MYO5A: variants seen among roughly 807,000 people sequenced by gnomAD.
The protein encoded by MYO5A is myosin VA, also known as unconventional myosin-Va.
In MYO5A, 98 loss-of-function variants were observed where a neutral mutation model predicts 249.7. The observed-to-expected ratio is 0.39, with a 90% CI of 0.33 to 0.46. The LOEUF (loss-of-function observed/expected upper bound fraction) is 0.46. MYO5A is among the 20% of genes least tolerant of loss of function. The pLI, the probability that MYO5A is intolerant of heterozygous loss-of-function variation, is 0.98. For synonymous variants in MYO5A, 778 were observed against 810.6 expected, an observed-to-expected ratio of 0.96 and a Z score of 0.68; for missense variants, 1,696 against 2,308.8, an observed-to-expected ratio of 0.73 and a Z score of 5.44.
chr15:52,380,002 A>G (rs1470841629), intron 16 of MYO5A, 94 bp from the exon 17 acceptor site: 10 of 1,202,940 alleles, frequency 8.3e-6, no homozygotes, highest in African/African-American at 1.5e-5. Flanking sequence ...CTTTCGTAAG[A>G]GCAAAATGGA....
rs191206339 is a variant in MYO5A at position 52,475,256 on chromosome 15, C to T, written c.28-41971G>A. On this transcript the variant is annotated intron_variant, in intron 1 of 41. Coordinates refer to ENST00000399233, the MANE Select transcript of MYO5A (RefSeq NM_001382347.1). The stretch of plus-strand genomic sequence containing the variant: ...ATATCCCCTTTATCATTTTTTATTG[C>T]ATCTATTTGATTCTTCTCTCTTTTC... 1.2e-4 allele frequency among the ~76,000 whole-genome samples: 19 copies of T among 152,166 alleles called. No individual in the cohort carries two copies. The East Asian group carries it at 3.5e-3, about 28-fold the overall frequency.
At chr15:52,326,379 TA>T (rs945049839) in intron 36 of MYO5A, among the ~76,000 whole-genome samples, 1 of 152,228 alleles carries the variant, frequency 6.6e-6, no homozygotes, top group African/African-American at 2.4e-5. Context: ...ATCAACACAC[TA>T]AAAATAAAAT....
At chr15:52,468,699 G>A (rs2076400063) in intron 1 of MYO5A, among the ~76,000 whole-genome samples, 4 of 152,174 alleles carry the variant, frequency 2.6e-5, no homozygotes, top group Middle Eastern at 3.4e-3. Flanking sequence ...ATATTTAAAA[G>A]TTGCAAATTA....
At chr15:52,474,658 C>T (rs146870109) in intron 1 of MYO5A, among the ~76,000 whole-genome samples, 142,780 of 152,212 alleles carry the variant, frequency 0.94, 67,653 homozygotes, top group East Asian at 1. Context: ...ATGTGGTTTT[C>T]GTCTTTGGTT....
intron 27 of MYO5A, among the ~76,000 whole-genome samples, chr15:52,351,976 T>A (rs1385740891): frequency 1.3e-5 from 2 of 152,220 alleles, no homozygotes; most frequent in Non-Finnish European, 2.9e-5. Flanking sequence ...GCTTTTAACT[T>A]CTAATTTAAA....
chr15:52,346,252 A>G, intron 30 of MYO5A, 109 bp downstream of exon 30: 1 of 708,068 alleles, frequency 1.4e-6, no homozygotes, highest in African/African-American at 1.8e-5. Flanking sequence ...AGGCCAGTTA[A>G]TGTCTAATAT....
In MYO5A at chr15:52,370,428, A is replaced by G; in HGVS notation, c.2818-11T>C. On this transcript the variant is annotated splice_polypyrimidine_tract_variant and intron_variant, in intron 21 of 41. Coordinates refer to ENST00000399233, the MANE Select transcript of MYO5A (RefSeq NM_001382347.1). Reference sequence around the variant, plus strand: ...TTTGTAGTCTTTGTTCTTTAAACATACACATAAGTAACAATAAGTAAATAC... The same window carrying G: ...TTTGTAGTCTTTGTTCTTTAAACATGCACATAAGTAACAATAAGTAAATAC... The G allele has an allele frequency of 1.9e-6, 3 of 1,603,824 alleles. No individual in the cohort carries two copies. Among genetic ancestry groups the G allele is most frequent in the East Asian group, 2.2e-5 (1 of 44,820 alleles).
At position 52,391,972 on chromosome 15, in the gene MYO5A, T is replaced by C; in HGVS notation, c.1500A>G (p.Glu500=). ...YDNQPCINLI[E]SKLGILDLLD... ...GTAAATCTAGAATGCCTAGTTTTGATTCTATAAGATTAATACAAGGCTGAT... is the reference window on the plus strand; with the variant it reads ...GTAAATCTAGAATGCCTAGTTTTGACTCTATAAGATTAATACAAGGCTGAT... Residue 500 remains glutamate (E), a synonymous_variant, in exon 12 of 42, where the codon GAA becomes GAG. Coordinates refer to ENST00000399233, the MANE Select transcript of MYO5A (RefSeq NM_001382347.1). 1.9e-6 allele frequency: 3 copies of C among 1,612,936 alleles called. No individual in the cohort carries two copies. Among genetic ancestry groups the C allele is most frequent in the Non-Finnish European group, 2.5e-6 (3 of 1,179,294 alleles).
At chr15:52,322,486 G>A (rs954907647) in intron 37 of MYO5A, among the ~76,000 whole-genome samples, 1 of 152,182 alleles carries the variant, frequency 6.6e-6, no homozygotes, top group Non-Finnish European at 1.5e-5. Flanking sequence ...GAGAACTTGG[G>A]TAAATCAATG....
At chr15:52,433,921 T>A (rs922346070) in intron 1 of MYO5A, among the ~76,000 whole-genome samples, 1 of 152,118 alleles carries the variant, frequency 6.6e-6, no homozygotes, top group Non-Finnish European at 1.5e-5. Context: ...TATGGTGTTG[T>A]GGTTCTGCCA....
chr15:52,413,009 T>C (rs1267722267), intron 5 of MYO5A, among the ~76,000 whole-genome samples: 1 of 151,842 alleles, frequency 6.6e-6, no homozygotes, highest in Non-Finnish European at 1.5e-5. Flanking sequence ...TAGCTGAGCG[T>C]GGTGGCATGT....
At chr15:52,390,560 C>CTTTTT (rs548075503) in intron 12 of MYO5A, among the ~76,000 whole-genome samples, 3 of 121,992 alleles carry the variant, frequency 2.5e-5, no homozygotes, top group Non-Finnish European at 5.2e-5. Context: ...TTTTTTTTTT[C>CTTTTT]TTTTTTTTTT....
chr15:52,353,683 T>A (rs2040061986), intron 26 of MYO5A, 25 bp from the exon 27 acceptor site: 2 of 1,606,404 alleles, frequency 1.2e-6, no homozygotes, highest in Non-Finnish European at 1.7e-6. Context: ...AAGTTTTATA[T>A]TTTAATTGTC....
intron 9 of MYO5A, among the ~76,000 whole-genome samples, chr15:52,400,184 T>C (rs1355153860): frequency 6.6e-6 from 1 of 152,214 alleles, no homozygotes; most frequent in Non-Finnish European, 1.5e-5. Flanking sequence ...CAATCCATTT[T>C]CCTCTCTACT....
At chr15:52,430,239 C>T (rs1050150061) in intron 2 of MYO5A, among the ~76,000 whole-genome samples, 10 of 152,152 alleles carry the variant, frequency 6.6e-5, no homozygotes, top group Non-Finnish European at 1.5e-4. Flanking sequence ...TGTAAATACA[C>T]AATTGTCTGT....
intron 1 of MYO5A, among the ~76,000 whole-genome samples, chr15:52,486,084 AT>A (rs2076813999): frequency 6.6e-6 from 1 of 151,990 alleles, no homozygotes; most frequent in Non-Finnish European, 1.5e-5. Flanking sequence ...TTTCCTATTC[AT>A]TTTCAAATCA....
chr15:52,317,965 G>T (rs1457403686), intron 39 of MYO5A, among the ~76,000 whole-genome samples: 1 of 152,204 alleles, frequency 6.6e-6, no homozygotes, highest in Non-Finnish European at 1.5e-5. Flanking sequence ...ACATTTCCAT[G>T]CAGAGCTTAT....
chr15:52,492,317 G>A (rs2076951221), intron 1 of MYO5A, among the ~76,000 whole-genome samples: 1 of 152,166 alleles, frequency 6.6e-6, no homozygotes, highest in African/African-American at 2.4e-5. Context: ...ATGACATAAT[G>A]TTTAGAGGAA....
intron 1 of MYO5A, among the ~76,000 whole-genome samples, chr15:52,503,620 G>A (rs1463934116): frequency 1.3e-5 from 2 of 151,946 alleles, no homozygotes; most frequent in African/African-American, 2.4e-5. Flanking sequence ...GACAGAGCAA[G>A]ACCATGTCTA....
Sources: gnomAD v4.1 joint callset for allele counts (sites outside exome capture counted in the v4.1 genomes callset) on GRCh38, gnomAD v4.1.1 for gene constraint, MANE v1.5 for transcripts, NCBI Gene and HGNC (gene_info 2026-07-23, HGNC 2026-07-21) for gene names.